ASTN2: variants seen among roughly 807,000 people sequenced by gnomAD.
ASTN2 encodes the protein astrotactin 2, also known as astrotactin-2.
Under a neutral mutation model 139.8 loss-of-function variants are expected in ASTN2, and 54 were observed. That is an observed-to-expected ratio of 0.39 (90% CI 0.31 to 0.48). The LOEUF (loss-of-function observed/expected upper bound fraction) is 0.48, where lower values mean the gene tolerates loss of function less well. Among genes scored for constraint, ASTN2 ranks in the 20% least tolerant of loss-of-function variants. ASTN2 has a pLI of 0.95. For synonymous variants in ASTN2, 756 were observed against 719.5 expected, an observed-to-expected ratio of 1.05 and a Z score of -0.81; for missense variants, 1,565 against 1,725.1, an observed-to-expected ratio of 0.91 and a Z score of 1.64.
chr9:116,520,149 A>G (rs1396522678), intron 19 of ASTN2, among the ~76,000 whole-genome samples: 1 of 152,100 alleles, frequency 6.6e-6, no homozygotes, highest in African/African-American at 2.4e-5. Flanking sequence ...GTAACATTCT[A>G]TGACACCAGT....
intron 2 of ASTN2, among the ~76,000 whole-genome samples, chr9:117,268,843 C>T (rs1201330213): frequency 1.3e-5 from 2 of 152,300 alleles, no homozygotes; most frequent in South Asian, 4.2e-4. Context: ...TGCTAATAAA[C>T]TCTGTTGACC....
intron 19 of ASTN2, among the ~76,000 whole-genome samples, chr9:116,602,854 A>G (rs1854977324): frequency 6.6e-6 from 1 of 151,852 alleles, no homozygotes. Flanking sequence ...TGCTTGAGCC[A>G]GGGAGGCAGA....
chr9:117,395,105 CTG>C (rs1442136944), intron 1 of ASTN2, among the ~76,000 whole-genome samples: 1 of 152,178 alleles, frequency 6.6e-6, no homozygotes, highest in African/African-American at 2.4e-5. Context: ...CTAACTATCA[CTG>C]TGAAAGGCAG....
intron 7 of ASTN2, among the ~76,000 whole-genome samples, chr9:116,987,659 C>T (rs1377245901): frequency 6.6e-6 from 1 of 152,110 alleles, no homozygotes; most frequent in African/African-American, 2.4e-5. Context: ...TTAATGAACC[C>T]ATATTTACTA....
intron 1 of ASTN2, among the ~76,000 whole-genome samples, chr9:117,323,692 T>G (rs974185529): frequency 6.6e-6 from 1 of 152,174 alleles, no homozygotes; most frequent in Admixed American, 6.5e-5. Flanking sequence ...GTGTGAAATA[T>G]GTCCAGGATT....
At chr9:116,767,821 A>G (rs1418496381) in intron 13 of ASTN2, among the ~76,000 whole-genome samples, 1 of 152,218 alleles carries the variant, frequency 6.6e-6, no homozygotes, top group Non-Finnish European at 1.5e-5. Context: ...TGTGGTAAAT[A>G]TCTCCAGAAG....
chr9:116,862,995 G>A (rs977429973), intron 11 of ASTN2, among the ~76,000 whole-genome samples: 2 of 152,082 alleles, frequency 1.3e-5, no homozygotes, highest in African/African-American at 4.8e-5. Context: ...ATCTTCTTGT[G>A]TGACCTTGTC....
chr9:116,803,930 G>A (rs1329614474), intron 13 of ASTN2, among the ~76,000 whole-genome samples: 1 of 151,826 alleles, frequency 6.6e-6, no homozygotes, highest in Non-Finnish European at 1.5e-5. Flanking sequence ...CCTCCCACAA[G>A]TGTTGGAATT....
intron 10 of ASTN2, among the ~76,000 whole-genome samples, chr9:116,940,826 G>A (rs1034354391): frequency 2.6e-5 from 4 of 151,942 alleles, no homozygotes; most frequent in East Asian, 3.9e-4. Context: ...AACAACTTCC[G>A]GTCCCGCAAG....
At chr9:117,088,711 C>T (rs915718702) in intron 5 of ASTN2, among the ~76,000 whole-genome samples, 4 of 152,206 alleles carry the variant, frequency 2.6e-5, no homozygotes, top group African/African-American at 9.6e-5. Flanking sequence ...TGCTGGAGAA[C>T]TAAGCAGCAA....
intron 17 of ASTN2, among the ~76,000 whole-genome samples, chr9:116,647,487 A>C (rs531787340): frequency 6.6e-6 from 1 of 152,288 alleles, no homozygotes; most frequent in Non-Finnish European, 1.5e-5. Flanking sequence ...TGGATTTCCA[A>C]TAAGTTGAAT....
At chr9:117,280,596 G>T (rs1313738493) in intron 2 of ASTN2, among the ~76,000 whole-genome samples, 1 of 152,158 alleles carries the variant, frequency 6.6e-6, no homozygotes, top group African/African-American at 2.4e-5. Context: ...TAAGCTGGAA[G>T]AGGCAAGACA....
chr9:117,315,513 TC>T (rs1465831305), intron 1 of ASTN2, among the ~76,000 whole-genome samples: 3 of 152,192 alleles, frequency 2.0e-5, no homozygotes, highest in Non-Finnish European at 4.4e-5. Context: ...ACTGGCACTG[TC>T]CCAGGCTGTT....
At position 117,414,894 on chromosome 9, in the gene ASTN2, C is replaced by A; in HGVS notation, c.45G>T (p.Gly15=). ...AGCAGAGCCTCGGCCGCCCCCGGAG[C>A]CCCGAGCCGGGGCCGGGGCTGAGCC... ...GARLSPGPGS[G]LRGRPRLCFH... is the part of the protein sequence containing the mutation. Residue 15 remains glycine (G), a synonymous_variant, in exon 1 of 23, where the codon GGG becomes GGT. Coordinates refer to ENST00000313400, the MANE Select transcript of ASTN2 (RefSeq NM_001365068.1). This position sits in a 1 kb window ranked among gnomAD's most constrained non-coding sequence, Gnocchi z 4.2. The A allele has an allele frequency of 1.3e-6, 1 of 787,292 alleles. No homozygotes were observed. Among genetic ancestry groups the A allele is most frequent in the South Asian group, 5.9e-5 (1 of 17,028 alleles). 48.8% of individuals were successfully genotyped at this position (787,292 alleles called of 1,614,324 possible). A position where few individuals can be genotyped will look rare whatever the true frequency, so the allele number is the denominator to read the frequency against.
chr9:117,005,022 A>T (rs1197766151), intron 7 of ASTN2, among the ~76,000 whole-genome samples: 3 of 151,038 alleles, frequency 2.0e-5, no homozygotes, highest in African/African-American at 7.3e-5. Flanking sequence ...GTAGACTAGC[A>T]AATTTCTATC....
In ASTN2 at chr9:116,699,812, A is replaced by T; in HGVS notation, c.2806+25959T>A. The T allele has an allele frequency of 6.7e-7, 1 of 1,494,326 alleles. No individual in the cohort carries two copies. Among genetic ancestry groups the T allele is most frequent in the Non-Finnish European group, 9.2e-7 (1 of 1,081,488 alleles). The allele number at this position is 1,494,326 out of a possible 1,614,324, so 92.6% of individuals were successfully genotyped here. A position where few individuals can be genotyped will look rare whatever the true frequency, so the allele number is the denominator to read the frequency against. On this transcript the variant is annotated intron_variant, in intron 16 of 22. Transcript: ENST00000313400. This position sits in a 1 kb window ranked among gnomAD's most constrained non-coding sequence, Gnocchi z 4.2. ...TAGACTCAGCCTATGTCCTGATTCC[A>T]GCTGGGTAGTTCTAGAACTTCAGAA...
intron 13 of ASTN2, among the ~76,000 whole-genome samples, chr9:116,785,691 C>A (rs989002621): frequency 1.3e-5 from 2 of 152,170 alleles, no homozygotes; most frequent in Non-Finnish European, 2.9e-5. Context: ...TCCTTTCTCT[C>A]CCTCATCAGT....
At chr9:116,603,375 G>C (rs990744357) in intron 19 of ASTN2, among the ~76,000 whole-genome samples, 7 of 152,184 alleles carry the variant, frequency 4.6e-5, no homozygotes, top group Non-Finnish European at 8.8e-5. Context: ...GCTTTTTATG[G>C]AACAATATCA....
intron 10 of ASTN2, among the ~76,000 whole-genome samples, chr9:116,930,100 T>A (rs1834857669): frequency 6.6e-6 from 1 of 152,050 alleles, no homozygotes; most frequent in African/African-American, 2.4e-5. Context: ...AATGGGAAAC[T>A]GTGATGAGTG....
Sources: allele counts gnomAD v4.1 joint callset (sites outside exome capture counted in the v4.1 genomes callset), GRCh38; gene constraint gnomAD v4.1.1; non-coding constraint Gnocchi (gnomAD v3.1); transcripts MANE v1.5; gene names NCBI Gene and HGNC (gene_info 2026-07-23, HGNC 2026-07-21).